Variants in LYAR observed in about 807,000 individuals in gnomAD.
LYAR encodes Ly1 antibody reactive.
A neutral mutation model predicts 45.2 loss-of-function variants in LYAR; 37 were observed. The ratio of observed to expected loss-of-function variants is 0.82; its 90% confidence interval spans 0.63 to 1.08. LYAR has a LOEUF of 1.08. LYAR is among the 50% of genes least tolerant of loss of function. The pLI is 0.00. For missense variants in LYAR, 493 were observed against 451.0 expected, an observed-to-expected ratio of 1.09 and a Z score of -0.84; for synonymous variants, 176 against 155.1, an observed-to-expected ratio of 1.14 and a Z score of -1.00.
chr4:4,268,103 G>C, intron 9 of LYAR, 80 bp from the exon 10 acceptor site: 1 of 1,268,394 alleles, frequency 7.9e-7, no homozygotes, highest in Non-Finnish European at 1.0e-6. Context: ...CCCAGAAATA[G>C]AACAACAGGA....
At chr4:4,274,328 G>A (rs1577212388) in intron 7 of LYAR, 39 bp downstream of exon 7, 2 of 1,578,504 alleles carry the variant, frequency 1.3e-6, no homozygotes, top group Middle Eastern at 1.7e-4. Context: ...AGCTTTCCCG[G>A]TTTTCAGATG....
rs60956516 is a variant in LYAR at position 4,275,271 on chromosome 4, G to A, written c.430-502C>T. On this transcript the variant is annotated intron_variant, in intron 6 of 9. Coordinates refer to ENST00000343470, the MANE Select transcript of LYAR (RefSeq NM_017816.3). ...TACCTCACACACGGACGGATGAAAC[G>A]AGGAAAGATCCGTCATGTGCTTATT... Among the ~76,000 whole-genome samples, 911 of 152,212 alleles carry A rather than the reference G, an allele frequency of 6.0e-3. 9 individuals carry two copies. The highest frequency in any genetic ancestry group is 0.02 in the African/African-American group (837 of 41,518).
Position 4,267,946 on chromosome 4 carries a change from T to A in LYAR, c.1083A>T (p.Lys361Asn). 1 of 1,613,426 alleles carries A rather than the reference T, an allele frequency of 6.2e-7. No individual in the cohort carries two copies. The highest frequency in any genetic ancestry group is 8.5e-7 in the Non-Finnish European group (1 of 1,179,780). The stretch of plus-strand genomic sequence containing the variant: ...ACTTAAAGGTAGGGTTCTTGCTGAT[T>A]TTCTTGTTAAAGATGACCAGGAGTT... The part of the protein sequence containing the change: ...EEELLVIFNK[K>N]ISKNPTFKLL... The change falls in exon 10 of 10, where the codon AAA (lysine) becomes AAT (asparagine). Residue 361 changes from lysine to asparagine, a missense_variant. By Grantham distance (94) the Lys-to-Asn change is moderately conservative. Transcript: ENST00000343470.
chr4:4,273,513 G>GA (rs1719026120), intron 8 of LYAR, 70 bp downstream of exon 8: 8 of 1,132,416 alleles, frequency 7.1e-6, no homozygotes, highest in Non-Finnish European at 1.1e-5. Flanking sequence ...CCCTGCCTCT[G>GA]AAGTAGCTGG....
chr4:4,269,553 C>A (rs980119258), intron 8 of LYAR, among the ~76,000 whole-genome samples: 3 of 152,160 alleles, frequency 2.0e-5, no homozygotes, highest in African/African-American at 7.2e-5. Context: ...CACCAGGAGC[C>A]CTGCCCGGCA....
At chr4:4,275,988 G>A (rs1364274157) in intron 6 of LYAR, among the ~76,000 whole-genome samples, 8 of 152,224 alleles carry the variant, frequency 5.3e-5, no homozygotes, top group South Asian at 2.1e-4. Flanking sequence ...GTGCCACAGC[G>A]CCAGGCCTTG....
intron 1 of LYAR, among the ~76,000 whole-genome samples, chr4:4,288,813 G>A (rs1719731483): frequency 6.6e-6 from 1 of 152,078 alleles, no homozygotes; most frequent in Non-Finnish European, 1.5e-5. Flanking sequence ...ATTCTTGCAT[G>A]CACATGCAGA....
chr4:4,280,095 A>G (rs956733600), intron 4 of LYAR, among the ~76,000 whole-genome samples: 13 of 152,244 alleles, frequency 8.5e-5, no homozygotes, highest in African/African-American at 3.1e-4. Flanking sequence ...TGCAGGATAC[A>G]AAATCCACAT....
chr4:4,279,457 G>C lies in LYAR; in HGVS notation c.419C>G (p.Ala140Gly), dbSNP rs1223270977. The C allele has an allele frequency of 6.2e-7, 1 of 1,608,162 alleles. No individual in the cohort carries two copies. Residue 140 changes from alanine (A) to glycine (G), a missense_variant, in exon 6 of 10, where the codon GCT (alanine) becomes GGT (glycine). Physicochemically the swap from Ala to Gly is moderately conservative, Grantham distance 60 (BLOSUM62 0). Transcript: ENST00000343470. ...TCAGATCTGACTTACGCTGTTGGAAGCTTCAGAAAAGATATTCCACACCTG... is the reference window on the plus strand; with the variant it reads ...TCAGATCTGACTTACGCTGTTGGAACCTTCAGAAAAGATATTCCACACCTG... ...LDQVWNIFSE[A>G]SNSEPVNKEQ...
intron 6 of LYAR, among the ~76,000 whole-genome samples, chr4:4,275,868 G>C (rs1461153924): frequency 6.6e-6 from 1 of 152,092 alleles, no homozygotes; most frequent in Non-Finnish European, 1.5e-5. Context: ...GCTAATTTTT[G>C]TATTTTTAGT....
At position 4,273,850 on chromosome 4, in the gene LYAR, G is replaced by C. The variant is rs573877261; in HGVS notation, c.833-181C>G. ...TTATCCTCCTCCATGCTGGAGATGG[G>C]ATGAAAGGAGTTGAGAAGTGAGGTC... is the stretch of plus-strand genomic sequence containing the variant. On this transcript the variant is annotated intron_variant, in intron 7 of 9. Coordinates refer to ENST00000343470, the MANE Select transcript of LYAR (RefSeq NM_017816.3). Among the ~76,000 whole-genome samples, 8 of 152,328 alleles carry C rather than the reference G, an allele frequency of 5.3e-5. No individual in the cohort carries two copies. In the South Asian group the frequency reaches 8.3e-4, roughly 16 times the overall value.
chr4:4,287,677 A>C (rs1051395871), intron 1 of LYAR, among the ~76,000 whole-genome samples: 2 of 152,186 alleles, frequency 1.3e-5, no homozygotes, highest in Non-Finnish European at 1.5e-5. Flanking sequence ...CTGAAAGACC[A>C]GGCAGCAAGC....
chr4:4,285,461 A>G (rs1363367055), intron 2 of LYAR, among the ~76,000 whole-genome samples: 4 of 152,226 alleles, frequency 2.6e-5, no homozygotes, highest in Admixed American at 6.5e-5. Context: ...CAACAAGAGC[A>G]GCTATCCTGC....
At chr4:4,269,186 T>C (rs7672285) in intron 8 of LYAR, among the ~76,000 whole-genome samples, 23,256 of 152,076 alleles carry the variant, frequency 0.15, 3,259 homozygotes, top group African/African-American at 0.37. Context: ...CGGGGTGAGC[T>C]TCTTGCTGCC....
Position 4,281,840 on chromosome 4 carries a change from G to T in LYAR, c.180C>A (p.Gly60=). 1.9e-6 allele frequency: 3 copies of T among 1,614,078 alleles called. No individual in the cohort carries two copies. The highest frequency in any genetic ancestry group is 2.5e-6 in the Non-Finnish European group (3 of 1,179,988). The change falls in exon 4 of 10, where the codon GGC becomes GGA. Residue 60 remains glycine, a synonymous_variant. Transcript: ENST00000343470. ...TGTGGGTTTTACCTTCATAGCCTTTGCCACCATACTTCTGATCTTCACTTA... is the reference window on the plus strand; with the variant it reads ...TGTGGGTTTTACCTTCATAGCCTTTTCCACCATACTTCTGATCTTCACTTA... ...KCISEDQKYG[G]KGYEGKTHKG...
chr4:4,274,275 C>T, intron 7 of LYAR, 92 bp downstream of exon 7: 1 of 1,393,060 alleles, frequency 7.2e-7, no homozygotes, highest in Non-Finnish European at 9.7e-7. Context: ...CACACACGCA[C>T]ACAAAACGCT....
Position 4,281,864 on chromosome 4 carries a change from T to A in LYAR, c.156A>T (p.Ile52=), listed in dbSNP as rs1009733799. ...GDDYKNHVKC[I]SEDQKYGGKG... ...TGCCACCATACTTCTGATCTTCACTTATGCATTTCACGTGGTTTTTATAGT... is the reference window on the plus strand; with the variant it reads ...TGCCACCATACTTCTGATCTTCACTAATGCATTTCACGTGGTTTTTATAGT... The change falls in exon 4 of 10, where the codon ATA becomes ATT. Residue 52 remains isoleucine (I), a synonymous_variant. Transcript: ENST00000343470. 4.3e-6 allele frequency: 7 copies of A among 1,614,046 alleles called. No individual in the cohort carries two copies. In the African/African-American group the frequency reaches 8.0e-5, roughly 18 times the overall value.
At chr4:4,280,877 C>A (rs1316180214) in intron 4 of LYAR, among the ~76,000 whole-genome samples, 1 of 152,168 alleles carries the variant, frequency 6.6e-6, no homozygotes, top group Non-Finnish European at 1.5e-5. Context: ...TTTAGAAAAA[C>A]ACAGAATTTT....
intron 1 of LYAR, among the ~76,000 whole-genome samples, chr4:4,286,907 TC>T (rs66472334): frequency 0.39 from 58,952 of 151,680 alleles, 12,272 homozygotes; most frequent in East Asian, 0.54. Flanking sequence ...TGCCTCGGCC[TC>T]CCAAAGTGCT....
Sources: allele counts gnomAD v4.1 joint callset (sites outside exome capture counted in the v4.1 genomes callset), GRCh38; gene constraint gnomAD v4.1.1; transcripts MANE v1.5; gene names NCBI Gene and HGNC (gene_info 2026-07-23, HGNC 2026-07-21).